WT1: variants seen among roughly 807,000 people sequenced by gnomAD.
WT1 encodes Wilms tumor protein.
In WT1, 8 loss-of-function variants were observed where a neutral mutation model predicts 60.8. The observed-to-expected ratio is 0.13, with a 90% confidence interval of 0.08 to 0.24. The LOEUF is 0.24. WT1 is among the 10% of genes least tolerant of loss of function. The pLI is 1.00. For synonymous variants in WT1, 312 were observed against 297.1 expected (o/e 1.05, Z -0.52); for missense variants, 568 against 711.8 (o/e 0.80, Z 2.30).
chr11:32,428,103 C>G, intron 2 of WT1, 45 bp from the exon 3 acceptor site: 4 of 1,534,726 alleles, frequency 2.6e-6, no homozygotes, highest in Admixed American at 1.9e-5. Flanking sequence ...GCCCCAAGGG[C>G]TCGGGGTGCG....
At chr11:32,429,047 T>C (rs1419971411) in intron 1 of WT1, 4 of 304,134 alleles carry the variant, frequency 1.3e-5, no homozygotes, top group East Asian at 7.9e-5. Context: ...TAACCCCGCG[T>C]TGACTCCGAG....
rs1287121663 is a variant in WT1, at chr11:32,428,425, A to G, written c.784+72T>C. 1.0e-5 allele frequency: 16 copies of G among 1,593,354 alleles called. No individual in the cohort carries two copies. In the Admixed American group the frequency reaches 1.0e-4, roughly 10 times the overall value. ...TCCTTTGCCTAATTTGCTGTGGGTT[A>G]GGAATTCCTGGGGGAGAGGAGGATA... On this transcript the variant is annotated intron_variant, in intron 2 of 9. Transcript: ENST00000452863.
At chr11:32,420,736 G>A (rs1474326699) in intron 3 of WT1, among the ~76,000 whole-genome samples, 1 of 152,130 alleles carries the variant, frequency 6.6e-6, no homozygotes, top group Non-Finnish European at 1.5e-5. Flanking sequence ...AAGAGAATAT[G>A]CTCAAGGGAG....
In WT1 at chr11:32,417,641, G is replaced by T. The variant is rs547775568; in HGVS notation, c.901C>A (p.Gln301Lys). The stretch of plus-strand genomic sequence containing the variant: ...ATGCATTCAAGCTGGGATGTCATTT[G>T]GTATAAATTGTCACTGTTAGAAAAA... The change falls in exon 4 of 10, where the codon CAA becomes AAA. Residue 301 changes from glutamine to lysine, a missense_variant. Transcript: ENST00000452863. The T allele has an allele frequency of 6.2e-7, 1 of 1,613,768 alleles. No homozygotes were observed.
chr11:32,399,266 A>C (rs192430340), intron 6 of WT1, among the ~76,000 whole-genome samples: 2 of 152,080 alleles, frequency 1.3e-5, no homozygotes, highest in Non-Finnish European at 2.9e-5. Flanking sequence ...CAGTGAAACT[A>C]TTCTGTATGA....
At chr11:32,393,960 C>G (rs1590334730) in intron 7 of WT1, among the ~76,000 whole-genome samples, 1 of 152,176 alleles carries the variant, frequency 6.6e-6, no homozygotes, top group Non-Finnish European at 1.5e-5. Flanking sequence ...TGGTGTGAGC[C>G]TAGCTCACTG....
chr11:32,431,263 C>A (rs962903128), intron 1 of WT1, among the ~76,000 whole-genome samples: 2 of 152,092 alleles, frequency 1.3e-5, no homozygotes, highest in Admixed American at 6.5e-5. Context: ...GAAAACCTGT[C>A]CCCCAACAAA....
intron 3 of WT1, among the ~76,000 whole-genome samples, chr11:32,426,318 G>T (rs5030185): frequency 0.21 from 31,735 of 152,168 alleles, 4,611 homozygotes; most frequent in African/African-American, 0.41. Context: ...CCAACAGCCC[G>T]CCTGATGGCT....
intron 3 of WT1, among the ~76,000 whole-genome samples, chr11:32,420,669 A>T (rs183980446): frequency 6.6e-6 from 1 of 152,242 alleles, no homozygotes; most frequent in African/African-American, 2.4e-5. Flanking sequence ...TCATCCTCTC[A>T]TTACCATTTA....
At chr11:32,428,644 C>T in intron 1 of WT1, 25 bp from the exon 2 acceptor site, 2 of 1,609,078 alleles carry the variant, frequency 1.2e-6, no homozygotes, top group Non-Finnish European at 1.7e-6. Flanking sequence ...GAGAGAAGCA[C>T]AGTGTCAGCG....
chr11:32,418,173 C>T (rs1407898523), intron 3 of WT1, among the ~76,000 whole-genome samples: 2 of 148,184 alleles, frequency 1.3e-5, no homozygotes, highest in African/African-American at 5.0e-5. Flanking sequence ...AGAAGAAAGA[C>T]GATGATAAAC....
intron 5 of WT1, among the ~76,000 whole-genome samples, chr11:32,405,736 T>C (rs922047240): frequency 6.6e-6 from 1 of 152,170 alleles, no homozygotes; most frequent in African/African-American, 2.4e-5. Flanking sequence ...GTGCTTGGTA[T>C]GCACTCAATA....
At chr11:32,399,288 T>C (rs1852073818) in intron 6 of WT1, among the ~76,000 whole-genome samples, 1 of 150,744 alleles carries the variant, frequency 6.6e-6, no homozygotes. Context: ...ACTAGAATAA[T>C]AGGTACATGG....
Position 32,417,636 on chromosome 11 carries a change from C to A in WT1, c.906G>T (p.Met302Ile). The A allele has an allele frequency of 1.2e-6, 2 of 1,613,928 alleles. No homozygotes were observed. Among genetic ancestry groups the A allele is most frequent in the Non-Finnish European group, 8.5e-7 (1 of 1,179,930 alleles). The change falls in exon 4 of 10, where the codon ATG becomes ATT. Residue 302 changes from methionine to isoleucine, a missense_variant. This residue lies in a region of WT1 where 523 missense variants were observed against 565.1 expected (regional missense o/e 0.93). Coordinates refer to ENST00000452863, the MANE Select transcript of WT1 (RefSeq NM_024426.6). ...AGGTCATGCATTCAAGCTGGGATGT[C>A]ATTTGGTATAAATTGTCACTGTTAG...
At chr11:32,397,981 T>C (rs566869922) in intron 6 of WT1, among the ~76,000 whole-genome samples, 1 of 152,194 alleles carries the variant, frequency 6.6e-6, no homozygotes, top group Non-Finnish European at 1.5e-5. Context: ...ATTTTCCATT[T>C]CCCTTAATTC....
At chr11:32,427,349 C>T (rs5030176) in intron 3 of WT1, among the ~76,000 whole-genome samples, 6 of 152,190 alleles carry the variant, frequency 3.9e-5, no homozygotes, top group African/African-American at 1.4e-4. Flanking sequence ...TTGGGCCTCC[C>T]GCTCACAGGA....
In WT1 at chr11:32,435,429, G is replaced by GTGAA. The variant is rs1345660061; in HGVS notation, c.-73_-70dup. The GTGAA allele has an allele frequency of 1.3e-5, 3 of 230,902 alleles. No individual in the cohort carries two copies. Among genetic ancestry groups the GTGAA allele is most frequent in the Non-Finnish European group, 2.5e-5 (3 of 119,886 alleles). The allele number at this position is 230,902 out of a possible 1,614,324, so 14.3% of individuals were successfully genotyped here. ...GTCCCGGCTCTGGGTGGGTGGGTGGGTGAATGAGTAGGTGGGAGGGAGGGC... is the reference window on the plus strand; with the variant it reads ...GTCCCGGCTCTGGGTGGGTGGGTGGGTGAATGAATGAGTAGGTGGGAGGGAGGGC... On this transcript the variant is annotated 5_prime_UTR_variant, in exon 1 of 10. Coordinates refer to ENST00000452863, the MANE Select transcript of WT1 (RefSeq NM_024426.6).
At chr11:32,418,606 G>A (rs1040898635) in intron 3 of WT1, among the ~76,000 whole-genome samples, 1 of 152,146 alleles carries the variant, frequency 6.6e-6, no homozygotes, top group South Asian at 2.1e-4. Flanking sequence ...TTTAATATCC[G>A]ATGTGTGGTA....
intron 5 of WT1, among the ~76,000 whole-genome samples, chr11:32,407,075 A>C (rs1852335328): frequency 6.6e-6 from 1 of 152,108 alleles, no homozygotes; most frequent in Admixed American, 6.6e-5. Context: ...CTCCAGCCTC[A>C]GCGACAGAGC....
Sources: gnomAD v4.1 joint callset for allele counts (sites outside exome capture counted in the v4.1 genomes callset) on GRCh38, gnomAD v4.1.1 for gene constraint, gnomAD v4.1.1 regional missense constraint, MANE v1.5 for transcripts, NCBI Gene and HGNC (gene_info 2026-07-23, HGNC 2026-07-21) for gene names.